The following STOX2 variants were observed in gnomAD, a reference collection of about 807,000 sequenced individuals.
The protein encoded by STOX2 is storkhead-box protein 2.
STOX2 carries 28 observed loss-of-function variants against 60.9 expected under a neutral mutation model. That is an observed-to-expected ratio of 0.46 (90% CI 0.34 to 0.63). The LOEUF is 0.63. Ranked by LOEUF, STOX2 falls within the 30% of genes least tolerant of loss-of-function variation. The probability of loss-of-function intolerance (pLI) is 0.01; values close to 1 mark genes in which losing one functional copy is unlikely to be tolerated. For missense variants in STOX2, 1,024 were observed against 1,187.7 expected, an observed-to-expected ratio of 0.86 and a Z score of 2.03; for synonymous variants, 472 against 463.9, an observed-to-expected ratio of 1.02 and a Z score of -0.22.
intron 1 of STOX2, among the ~76,000 whole-genome samples, chr4:183,826,722 TAC>T (rs1410541993): frequency 6.6e-6 from 1 of 152,250 alleles, no homozygotes; most frequent in Admixed American, 6.5e-5. Flanking sequence ...AGTGGGAGAA[TAC>T]ACAGTGTCCA....
At position 183,815,773 on chromosome 4, in the gene STOX2, G is replaced by A. The variant is rs533729314; in HGVS notation, c.364+17718G>A. Reference sequence around the variant, plus strand: ...CGAGATCTTTTGAATGAGGTCTCTCGAACACTGCATGGGCAACAAATGCGA... The same window carrying A: ...CGAGATCTTTTGAATGAGGTCTCTCAAACACTGCATGGGCAACAAATGCGA... On this transcript the variant is annotated intron_variant, in intron 1 of 2. Transcript: ENST00000513034. 3.9e-5 allele frequency among the ~76,000 whole-genome samples: 6 copies of A among 152,318 alleles called. No individual in the cohort carries two copies. The South Asian group carries it at 8.3e-4, about 21-fold the overall frequency.
chr4:184,006,580 G>A (rs566482768), intron 2 of STOX2, among the ~76,000 whole-genome samples: 5 of 145,640 alleles, frequency 3.4e-5, no homozygotes, highest in Admixed American at 7.1e-5. Context: ...CCAGCTACTC[G>A]AAAAACTGAG....
intron 1 of STOX2, among the ~76,000 whole-genome samples, chr4:183,930,242 T>G (rs1411261221): frequency 2.0e-5 from 3 of 151,620 alleles, no homozygotes; most frequent in Non-Finnish European, 2.9e-5. Context: ...CATAGCTCAC[T>G]GCAGCCACAA....
Position 183,820,193 on chromosome 4 carries a change from G to A in STOX2, c.364+22138G>A, listed in dbSNP as rs531330258. Among the ~76,000 whole-genome samples, 37 of 152,210 alleles carry A rather than the reference G, an allele frequency of 2.4e-4. 2 individuals carry two copies. The highest frequency in any genetic ancestry group is 2.4e-3 in the Admixed American group (36 of 15,294). On this transcript the variant is annotated intron_variant, in intron 1 of 2. Coordinates refer to the STOX2 transcript ENST00000513034. ...TCCCGCCTCGGCCTCCCAAAGTGCT[G>A]GGATTGTAAGCGTGAGCCACCATGC...
intron 1 of STOX2, among the ~76,000 whole-genome samples, chr4:183,930,683 A>T (rs779438558): frequency 5.9e-5 from 9 of 152,216 alleles, no homozygotes; most frequent in Non-Finnish European, 1.3e-4. Context: ...GAAGGAAGTT[A>T]GTCTTCAATA....
intron 1 of STOX2, among the ~76,000 whole-genome samples, chr4:183,874,882 T>C (rs7697371): frequency 0.95 from 129,206 of 135,604 alleles, 61,852 homozygotes; most frequent in East Asian, 1. Context: ...GCCAAGATCA[T>C]GCCACTGCAC....
chr4:183,831,506 T>C (rs1739567785), intron 1 of STOX2, among the ~76,000 whole-genome samples: 1 of 152,084 alleles, frequency 6.6e-6, no homozygotes. Flanking sequence ...ATGTACATTT[T>C]TTTTTTTTTT....
chr4:183,874,825 C>G (rs1013745133), intron 1 of STOX2, among the ~76,000 whole-genome samples: 3 of 143,862 alleles, frequency 2.1e-5, no homozygotes, highest in African/African-American at 7.8e-5. Flanking sequence ...ACGCGGGAGG[C>G]TGAGGCAGGA....
At position 184,010,094 on chromosome 4, in the gene STOX2, A is replaced by G. The variant is rs1477395388; in HGVS notation, c.1256A>G (p.Asp419Gly). Residue 419 changes from aspartate (D) to glycine (G), a missense_variant, in exon 3 of 4, where the codon GAT becomes GGT. By Grantham distance (94) the Asp-to-Gly change is moderately conservative. Transcript: ENST00000308497. The surrounding 1 kb of genome is among the most constrained non-coding windows in gnomAD (Gnocchi z 4.5). ...TGCTTCATCATTGAACACAAAGGAGATAACTTCATCATGCACAGCAACACA... is the reference window on the plus strand; with the variant it reads ...TGCTTCATCATTGAACACAAAGGAGGTAACTTCATCATGCACAGCAACACA... The part of the protein sequence containing the change: ...EGCFIIEHKG[D>G]NFIMHSNTNV... The G allele has an allele frequency of 6.2e-7, 1 of 1,605,090 alleles. No individual in the cohort carries two copies. The highest frequency in any genetic ancestry group is 1.1e-5 in the South Asian group (1 of 89,352).
At chr4:184,014,748 A>G (rs548202506) in intron 3 of STOX2, 2 of 152,246 alleles carry the variant, frequency 1.3e-5, no homozygotes, top group South Asian at 2.1e-4. Flanking sequence ...ACAATTTACC[A>G]CTATTACATA....
rs1257831092 is a variant in STOX2 at position 183,806,176 on chromosome 4, G to A, written c.364+8121G>A. ...TCACTCTGAAGATGAAAATAAACACGATTAAAGACTCCATTTTCCCAATTT... is the reference window on the plus strand; with the variant it reads ...TCACTCTGAAGATGAAAATAAACACAATTAAAGACTCCATTTTCCCAATTT... On this transcript the variant is annotated intron_variant, in intron 1 of 2. Transcript: ENST00000513034. The surrounding 1 kb of genome is among the most constrained non-coding windows in gnomAD (Gnocchi z 4.1). 6.6e-6 allele frequency among the ~76,000 whole-genome samples: 1 copy of A among 152,160 alleles called. No homozygotes were observed. Among genetic ancestry groups the A allele is most frequent in the African/African-American group, 2.4e-5 (1 of 41,438 alleles).
At chr4:183,951,048 T>C (rs1743060263) in intron 1 of STOX2, among the ~76,000 whole-genome samples, 1 of 151,592 alleles carries the variant, frequency 6.6e-6, no homozygotes, top group South Asian at 2.1e-4. Context: ...ACCCCGTCTC[T>C]ACTAAAAATA....
At chr4:183,889,904 T>C (rs1434803534) in intron 1 of STOX2, among the ~76,000 whole-genome samples, 1 of 152,226 alleles carries the variant, frequency 6.6e-6, no homozygotes, top group Non-Finnish European at 1.5e-5. Context: ...CATAATTGAT[T>C]GTTAAGGGAT....
At position 184,009,063 on chromosome 4, in the gene STOX2, C is replaced by T; in HGVS notation, c.320-95C>T. The T allele has an allele frequency of 1.0e-6, 1 of 966,826 alleles. No homozygotes were observed. Among genetic ancestry groups the T allele is most frequent in the South Asian group, 1.8e-5 (1 of 56,314 alleles). 59.9% of individuals were successfully genotyped at this position (966,826 alleles called of 1,614,324 possible). A position where few individuals can be genotyped will look rare whatever the true frequency, so the allele number is the denominator to read the frequency against. On this transcript the variant is annotated intron_variant, in intron 2 of 3. Transcript: ENST00000308497. The surrounding 1 kb of genome is among the most constrained non-coding windows in gnomAD (Gnocchi z 4.0). ...TGTGCATCCTAGCTCTGTGATGGTA[C>T]TTCGCATCTTGGCGAATGAATAGGA...
At chr4:183,943,642 G>T (rs564431892) in intron 1 of STOX2, among the ~76,000 whole-genome samples, 5 of 152,270 alleles carry the variant, frequency 3.3e-5, no homozygotes, top group African/African-American at 1.2e-4. Context: ...GAAATCTCAG[G>T]CCAAGGCAGG....
chr4:183,829,103 TA>T (rs1439601308), intron 1 of STOX2, among the ~76,000 whole-genome samples: 24 of 152,246 alleles, frequency 1.6e-4, no homozygotes, highest in Admixed American at 1.4e-3. Context: ...CAATTAGCAT[TA>T]AGAAACAAGA....
At chr4:183,875,815 T>C (rs1740816387) in intron 1 of STOX2, among the ~76,000 whole-genome samples, 1 of 152,210 alleles carries the variant, frequency 6.6e-6, no homozygotes, top group Non-Finnish European at 1.5e-5. Flanking sequence ...CCGCCCAGGC[T>C]CAAGCGATCC....
chr4:184,009,135 GGTTT>G lies in STOX2; in HGVS notation c.320-22_320-19del. On this transcript the variant is annotated intron_variant, in intron 2 of 3. Coordinates refer to ENST00000308497, the MANE Select transcript of STOX2 (RefSeq NM_020225.3). The surrounding 1 kb of genome is among the most constrained non-coding windows in gnomAD (Gnocchi z 4.0). ...ATGTTCTGTCTTCATTCTCACAAGT[GGTTT>G]TTTTTTTTTTTTTTTCAGGTGTTCC... The G allele has an allele frequency of 3.0e-6, 3 of 1,001,216 alleles. No homozygotes were observed. The highest frequency in any genetic ancestry group is 5.1e-5 in the East Asian group (2 of 38,882). The allele number at this position is 1,001,216 out of a possible 1,614,324, so 62.0% of individuals were successfully genotyped here.
chr4:184,002,475 A>C (rs1158349044), intron 2 of STOX2, among the ~76,000 whole-genome samples: 2 of 152,266 alleles, frequency 1.3e-5, no homozygotes, highest in African/African-American at 4.8e-5. Flanking sequence ...GGCCTACGGC[A>C]ACAAGAGTTG....
Sources: allele counts gnomAD v4.1 joint callset (sites outside exome capture counted in the v4.1 genomes callset), GRCh38; gene constraint gnomAD v4.1.1; non-coding constraint Gnocchi (gnomAD v3.1); transcripts MANE v1.5; gene names NCBI Gene and HGNC (gene_info 2026-07-23, HGNC 2026-07-21).